The following GPR158 variants were observed in gnomAD, a reference collection of about 807,000 sequenced individuals.
GPR158 encodes G protein-coupled receptor 158, also known as metabotropic glycine receptor.
GPR158 carries 30 observed loss-of-function variants against 78.2 expected under a neutral mutation model. That is an observed-to-expected ratio of 0.38 (90% CI 0.29 to 0.52). The LOEUF (loss-of-function observed/expected upper bound fraction) is 0.52. GPR158 is among the 20% of genes least tolerant of loss of function. The pLI is 0.83. For missense variants in GPR158, 1,463 were observed against 1,523.5 expected (o/e 0.96, Z 0.66); for synonymous variants, 581 against 591.1 (o/e 0.98, Z 0.25).
intron 7 of GPR158, among the ~76,000 whole-genome samples, chr10:25,584,941 A>G (rs1267998790): frequency 6.6e-6 from 1 of 152,184 alleles, no homozygotes; most frequent in Admixed American, 6.5e-5. Flanking sequence ...ATGGAAGCAA[A>G]ATTTAAAAAA....
intron 2 of GPR158, among the ~76,000 whole-genome samples, chr10:25,367,353 A>G (rs550858297): frequency 6.6e-6 from 1 of 151,540 alleles, no homozygotes; most frequent in East Asian, 2.0e-4. Flanking sequence ...ATTTTTCTTG[A>G]CTTATGTCAA....
At chr10:25,554,830 GT>G (rs1359555073) in intron 6 of GPR158, among the ~76,000 whole-genome samples, 3 of 152,080 alleles carry the variant, frequency 2.0e-5, no homozygotes, top group Non-Finnish European at 4.4e-5. Context: ...CCAGTATATG[GT>G]GATTATAAAA....
intron 2 of GPR158, among the ~76,000 whole-genome samples, chr10:25,361,157 G>T (rs1000697300): frequency 6.6e-6 from 1 of 151,694 alleles, no homozygotes; most frequent in Non-Finnish European, 1.5e-5. Flanking sequence ...ATCTACTTTA[G>T]GTACCACAAA....
intron 5 of GPR158, among the ~76,000 whole-genome samples, chr10:25,510,351 A>C (rs746419550): frequency 6.6e-6 from 1 of 152,230 alleles, no homozygotes. Context: ...ATTAATTCCA[A>C]AGATGATATT....
rs960935764 is a variant in GPR158 at position 25,435,911 on chromosome 10, C to A, written c.1335+23438C>A. Among the ~76,000 whole-genome samples, 10 of 152,084 alleles carry A rather than the reference C, an allele frequency of 6.6e-5. No homozygotes were observed. The East Asian group carries it at 1.7e-3, about 26-fold the overall frequency. The stretch of plus-strand genomic sequence containing the variant: ...GATACATTTTTGGAGATAGAATTGG[C>A]AGGACTTGCTAATAAATTTGATGTG... On this transcript the variant is annotated intron_variant, in intron 4 of 10. Coordinates refer to ENST00000376351, the MANE Select transcript of GPR158 (RefSeq NM_020752.3).
At chr10:25,556,736 T>C (rs867259819) in intron 6 of GPR158, among the ~76,000 whole-genome samples, 2 of 152,154 alleles carry the variant, frequency 1.3e-5, no homozygotes, top group Non-Finnish European at 2.9e-5. Context: ...CAGAGGTGAT[T>C]TGGAAAATAT....
intron 2 of GPR158, among the ~76,000 whole-genome samples, chr10:25,228,432 G>A (rs1258760382): frequency 6.6e-6 from 1 of 152,058 alleles, no homozygotes; most frequent in Admixed American, 6.6e-5. Flanking sequence ...AATTGGGTAA[G>A]TGACTTACAA....
chr10:25,572,796 A>G lies in GPR158; in HGVS notation c.1662A>G (p.Lys554=), dbSNP rs553242091. 6.2e-7 allele frequency: 1 copy of G among 1,613,910 alleles called. No homozygotes were observed. Among genetic ancestry groups the G allele is most frequent in the South Asian group, 1.1e-5 (1 of 91,074 alleles). The part of the protein sequence containing the change: ...WTSSVCQNLE[K]QISLIGQGKT... ...CATCTGTGTGCCAGAATTTGGAGAA[A>G]CAGATTTCACTTATTGGCCAGGGGA... is the stretch of plus-strand genomic sequence containing the variant. The change falls in exon 7 of 11, where the codon AAA becomes AAG. Residue 554 remains lysine, a synonymous_variant. Transcript: ENST00000376351.
intron 2 of GPR158, among the ~76,000 whole-genome samples, chr10:25,313,831 G>A (rs1389022039): frequency 6.6e-6 from 1 of 151,836 alleles, no homozygotes; most frequent in African/African-American, 2.4e-5. Context: ...GCACTTTATT[G>A]TTATACTTGC....
Position 25,516,881 on chromosome 10 carries a change from A to G in GPR158, c.1405-34095A>G, listed in dbSNP as rs1836182319. Among the ~76,000 whole-genome samples the G allele has an allele frequency of 2.2e-5, 3 of 134,686 alleles. No homozygotes were observed. In the East Asian group the frequency reaches 6.3e-4, roughly 28 times the overall value. The allele number at this position is 134,686 out of a possible 152,430, so 88.4% of individuals were successfully genotyped here. A position where few individuals can be genotyped will look rare whatever the true frequency, so the allele number is the denominator to read the frequency against. Reference sequence around the variant, plus strand: ...TCTTTTTTGGTTCCATATGAACTTTAAAGTAGTTTTTTCCAATTCTGTGAA... The same window carrying G: ...TCTTTTTTGGTTCCATATGAACTTTGAAGTAGTTTTTTCCAATTCTGTGAA... On this transcript the variant is annotated intron_variant, in intron 5 of 10. Transcript: ENST00000376351.
intron 5 of GPR158, among the ~76,000 whole-genome samples, chr10:25,473,546 G>A (rs1171809188): frequency 6.6e-6 from 1 of 152,086 alleles, no homozygotes; most frequent in African/African-American, 2.4e-5. Flanking sequence ...GCTCCTCCTT[G>A]TACCTCTGGT....
intron 5 of GPR158, among the ~76,000 whole-genome samples, chr10:25,538,663 C>T (rs1443221410): frequency 2.0e-5 from 3 of 152,166 alleles, no homozygotes; most frequent in African/African-American, 7.2e-5. Flanking sequence ...GCATGTGTCA[C>T]GGTGCCTGGC....
In GPR158 at chr10:25,175,286, A is replaced by T. The variant is rs1852508050; in HGVS notation, c.-135A>T. 1.7e-6 allele frequency: 1 copy of T among 579,994 alleles called. No homozygotes were observed. The highest frequency in any genetic ancestry group is 1.9e-5 in the African/African-American group (1 of 53,320). 35.9% of individuals were successfully genotyped at this position (579,994 alleles called of 1,614,324 possible). A position where few individuals can be genotyped will look rare whatever the true frequency, so the allele number is the denominator to read the frequency against. ...CAATCTCGAAACATTCTTATTTTCA[A>T]GTCCTTTGGACTGGGTGCCATCTGG... On this transcript the variant is annotated 5_prime_UTR_variant, in exon 1 of 11. It adds an upstream start codon to the 5' untranslated region. Coordinates refer to ENST00000376351, the MANE Select transcript of GPR158 (RefSeq NM_020752.3). This position sits in a 1 kb window ranked among gnomAD's most constrained non-coding sequence, Gnocchi z 6.4.
At chr10:25,424,292 G>A (rs1335039619) in intron 4 of GPR158, among the ~76,000 whole-genome samples, 2 of 152,054 alleles carry the variant, frequency 1.3e-5, no homozygotes, top group Admixed American at 6.6e-5. Flanking sequence ...TTTGTCAGAT[G>A]GGTAGACTGC....
chr10:25,283,691 G>A (rs1854307669), intron 2 of GPR158, among the ~76,000 whole-genome samples: 1 of 151,788 alleles, frequency 6.6e-6, no homozygotes, highest in South Asian at 2.1e-4. Flanking sequence ...TTAGTCAGAA[G>A]CTTAGATTAC....
chr10:25,468,913 A>C (rs938946106), intron 5 of GPR158, among the ~76,000 whole-genome samples: 1 of 152,216 alleles, frequency 6.6e-6, no homozygotes, highest in Non-Finnish European at 1.5e-5. Flanking sequence ...CTAAGAAAGC[A>C]GTAAAGACAG....
In GPR158 at chr10:25,421,922, G is replaced by T. The variant is rs527627801; in HGVS notation, c.1335+9449G>T. 7.2e-5 allele frequency among the ~76,000 whole-genome samples: 11 copies of T among 152,278 alleles called. No homozygotes were observed. The South Asian group carries it at 2.3e-3, about 32-fold the overall frequency. The stretch of plus-strand genomic sequence containing the variant: ...GATTCTCACCACATTTAAGGAAATT[G>T]TGGGGACTTTCTATATGTTTATTTT... On this transcript the variant is annotated intron_variant, in intron 4 of 10. Transcript: ENST00000376351.
At chr10:25,591,836 A>G (rs1481421077) in intron 8 of GPR158, among the ~76,000 whole-genome samples, 1 of 152,094 alleles carries the variant, frequency 6.6e-6, no homozygotes, top group Non-Finnish European at 1.5e-5. Flanking sequence ...TATAATTTAT[A>G]TGGCTATAAA....
At chr10:25,327,351 G>C (rs1855050784) in intron 2 of GPR158, among the ~76,000 whole-genome samples, 1 of 152,080 alleles carries the variant, frequency 6.6e-6, no homozygotes, top group Non-Finnish European at 1.5e-5. Flanking sequence ...GACTTCTCCA[G>C]GTTTTCTGTG....
Sources: allele counts gnomAD v4.1 joint callset (sites outside exome capture counted in the v4.1 genomes callset), GRCh38; gene constraint gnomAD v4.1.1; non-coding constraint Gnocchi (gnomAD v3.1); transcripts MANE v1.5; gene names NCBI Gene and HGNC (gene_info 2026-07-23, HGNC 2026-07-21).